The following PTP4A2 variants were observed in gnomAD, a reference collection of about 807,000 sequenced individuals.
PTP4A2 encodes protein tyrosine phosphatase 4A2.
Under a neutral mutation model 22.9 loss-of-function variants are expected in PTP4A2, and 2 were observed. The observed-to-expected ratio is 0.09, with a 90% confidence interval of 0.04 to 0.27. PTP4A2 has a LOEUF of 0.27. Among genes scored for constraint, PTP4A2 ranks in the 10% least tolerant of loss-of-function variants. The pLI is 1.00. For synonymous variants in PTP4A2, 68 were observed against 69.1 expected (o/e 0.98, Z 0.08); for missense variants, 103 against 205.1 (o/e 0.50, Z 3.04).
At chr1:31,917,809 A>AC (rs1186655335) in intron 2 of PTP4A2, among the ~76,000 whole-genome samples, 1 of 151,884 alleles carries the variant, frequency 6.6e-6, no homozygotes, top group East Asian at 1.9e-4. Flanking sequence ...CTTCGTCTCT[A>AC]CTAAAAATAC....
chr1:31,918,200 G>A (rs1651956481), intron 2 of PTP4A2, among the ~76,000 whole-genome samples: 1 of 150,650 alleles, frequency 6.6e-6, no homozygotes, highest in Non-Finnish European at 1.5e-5. Flanking sequence ...AGTGAGCCGA[G>A]ATAGTGCCAC....
At chr1:31,926,179 C>T (rs1333752316) in intron 1 of PTP4A2, among the ~76,000 whole-genome samples, 1 of 146,606 alleles carries the variant, frequency 6.8e-6, no homozygotes, top group Non-Finnish European at 1.5e-5. Flanking sequence ...TTTATCTCTC[C>T]TATCAATCCA....
At chr1:31,917,247 G>A (rs1279402941) in intron 2 of PTP4A2, among the ~76,000 whole-genome samples, 1 of 152,198 alleles carries the variant, frequency 6.6e-6, no homozygotes, top group Non-Finnish European at 1.5e-5. Flanking sequence ...CTTGTACGCT[G>A]TGTATACAAA....
intron 2 of PTP4A2, 31 bp from the exon 3 acceptor site, chr1:31,916,018 T>C: frequency 6.9e-7 from 1 of 1,457,480 alleles, no homozygotes; most frequent in Non-Finnish European, 9.4e-7. Context: ...ATAATGGAAC[T>C]TGTTTTTGAA....
chr1:31,925,942 G>C (rs1282455429), intron 1 of PTP4A2, among the ~76,000 whole-genome samples: 2 of 151,150 alleles, frequency 1.3e-5, no homozygotes, highest in East Asian at 3.9e-4. Context: ...TCAGGAGATC[G>C]AAGCCATACT....
At chr1:31,921,318 C>A (rs1202793302) in intron 1 of PTP4A2, 3 of 152,114 alleles carry the variant, frequency 2.0e-5, no homozygotes, top group African/African-American at 7.2e-5. Context: ...CTGTTAGTCC[C>A]GTTTTTTCCA....
At chr1:31,931,244 T>A (rs958093857) in intron 1 of PTP4A2, 1 of 152,068 alleles carries the variant, frequency 6.6e-6, no homozygotes, top group South Asian at 2.1e-4. Flanking sequence ...AAGAATGGAG[T>A]AGGATTAAGA....
In PTP4A2 at chr1:31,922,586, G is replaced by GTTTCTT. The variant is rs1652212313; in HGVS notation, c.-593-2934_-593-2929dup. Among the ~76,000 whole-genome samples, 9 of 146,002 alleles carry GTTTCTT rather than the reference G, an allele frequency of 6.2e-5. No homozygotes were observed. In the Admixed American group the frequency reaches 6.2e-4, roughly 10 times the overall value. On this transcript the variant is annotated intron_variant, in intron 1 of 5. Coordinates refer to ENST00000647444, the MANE Select transcript of PTP4A2 (RefSeq NM_080391.4). ...AGCTTAAGAACAAAAACCCAGGTTT[G>GTTTCTT]TTTCTTTCTTTCTTTCTTTCTTTCT...
chr1:31,918,292 T>C (rs946763301), intron 2 of PTP4A2, among the ~76,000 whole-genome samples: 1 of 150,808 alleles, frequency 6.6e-6, no homozygotes, highest in African/African-American at 2.4e-5. Context: ...CTCAAAGAAG[T>C]ACAAAGAGTT....
chr1:31,928,681 A>C (rs1652588765), intron 1 of PTP4A2, among the ~76,000 whole-genome samples: 1 of 134,440 alleles, frequency 7.4e-6, no homozygotes, highest in Non-Finnish European at 1.5e-5. Context: ...TGGGTGACAG[A>C]GTGAAACTCT....
chr1:31,908,114 A>C lies in PTP4A2; in HGVS notation c.*738T>G, dbSNP rs1651278153. On this transcript the variant is annotated 3_prime_UTR_variant, in exon 6 of 6. Transcript: ENST00000647444. Reference sequence around the variant, plus strand: ...GTAAAGACTAAAAACCACCTGGAAAATATATATATATATATATATATTATA... The same window carrying C: ...GTAAAGACTAAAAACCACCTGGAAACTATATATATATATATATATATTATA... 2.7e-3 allele frequency: 1 copy of C among 372 alleles called. No homozygotes were observed. The highest frequency in any genetic ancestry group is 0.013 in the African/African-American group (1 of 76). The allele number at this position is 372 out of a possible 1,614,324, so 0.0% of individuals were successfully genotyped here. A position where few individuals can be genotyped will look rare whatever the true frequency, so the allele number is the denominator to read the frequency against.
intron 1 of PTP4A2, among the ~76,000 whole-genome samples, chr1:31,926,149 AATATAT>A (rs1553212254): frequency 2.3e-5 from 3 of 131,350 alleles, no homozygotes; most frequent in Middle Eastern, 4.3e-3. Flanking sequence ...AAAAAAAAAA[AATATAT>A]ATATATATAT....
chr1:31,936,892 T>C (rs1326296604), intron 1 of PTP4A2, among the ~76,000 whole-genome samples: 1 of 151,522 alleles, frequency 6.6e-6, no homozygotes, highest in Non-Finnish European at 1.5e-5. Flanking sequence ...AGCAGTGTAA[T>C]GTAGTTTGGC....
At chr1:31,934,873 G>T (rs927384112) in intron 1 of PTP4A2, among the ~76,000 whole-genome samples, 1 of 152,202 alleles carries the variant, frequency 6.6e-6, no homozygotes, top group Non-Finnish European at 1.5e-5. Flanking sequence ...CACAGAGGGA[G>T]TGGCCTGACT....
intron 3 of PTP4A2, among the ~76,000 whole-genome samples, chr1:31,914,807 G>A (rs1054417333): frequency 3.9e-5 from 6 of 152,180 alleles, no homozygotes; most frequent in African/African-American, 1.4e-4. Context: ...AGCCTATTTT[G>A]ATGCTAAAAA....
chr1:31,923,444 C>G (rs1033391789), intron 1 of PTP4A2, among the ~76,000 whole-genome samples: 2 of 150,256 alleles, frequency 1.3e-5, no homozygotes, highest in African/African-American at 4.9e-5. Context: ...ACGCCATTCT[C>G]CTGCCTCAGC....
At position 31,908,162 on chromosome 1, in the gene PTP4A2, ATATATATAT is replaced by A. The variant is rs1236738126; in HGVS notation, c.*681_*689del. The stretch of plus-strand genomic sequence containing the variant: ...ATATTATATATATATATATATATAT[ATATATATAT>A]ATATATATATATATATATATATATA... On this transcript the variant is annotated 3_prime_UTR_variant, in exon 6 of 6. Coordinates refer to ENST00000647444, the MANE Select transcript of PTP4A2 (RefSeq NM_080391.4). 1 of 8,364 alleles carries A rather than the reference ATATATATAT, an allele frequency of 1.2e-4. No homozygotes were observed. The highest frequency in any genetic ancestry group is 6.0e-4 in the African/African-American group (1 of 1,664). The allele number at this position is 8,364 out of a possible 1,614,324, so 0.5% of individuals were successfully genotyped here.
intron 1 of PTP4A2, among the ~76,000 whole-genome samples, chr1:31,928,176 CA>C (rs1175835034): frequency 6.9e-6 from 1 of 145,570 alleles, no homozygotes; most frequent in Non-Finnish European, 1.5e-5. Context: ...TTATATATAA[CA>C]AATATATATT....
At chr1:31,935,148 C>G (rs2124280030) in intron 1 of PTP4A2, among the ~76,000 whole-genome samples, 1 of 152,310 alleles carries the variant, frequency 6.6e-6, no homozygotes, top group Middle Eastern at 3.4e-3. Flanking sequence ...CTAGTTCACT[C>G]TTGGCCCCAA....
Sources: allele counts gnomAD v4.1 joint callset (sites outside exome capture counted in the v4.1 genomes callset), GRCh38; gene constraint gnomAD v4.1.1; transcripts MANE v1.5; gene names NCBI Gene and HGNC (gene_info 2026-07-23, HGNC 2026-07-21).